NME9: variants seen among roughly 807,000 people sequenced by gnomAD.
NME9 encodes NME/NM23 family member 9, also known as thioredoxin domain-containing protein 6.
NME9 carries 48 observed loss-of-function variants against 44.4 expected under a neutral mutation model. The observed-to-expected ratio is 1.08, with a 90% CI of 0.86 to 1.37. The LOEUF (loss-of-function observed/expected upper bound fraction) is 1.37. Among genes scored for constraint, NME9 ranks in the 40% most tolerant of loss-of-function variants. The probability of loss-of-function intolerance (pLI) is 0.00; values close to 1 mark genes in which losing one functional copy is unlikely to be tolerated. For synonymous variants in NME9, 139 were observed against 147.1 expected, an observed-to-expected ratio of 0.94 and a Z score of 0.40; for missense variants, 325 against 405.2, an observed-to-expected ratio of 0.80 and a Z score of 1.70.
chr3:138,269,120 C>T (rs115989936), intron 8 of NME9, among the ~76,000 whole-genome samples: 1,726 of 152,152 alleles, frequency 0.011, 32 homozygotes, highest in African/African-American at 0.038. Context: ...TAAAAACTGG[C>T]GGATCTGGGA....
chr3:138,269,626 G>A (rs2048587687), intron 8 of NME9, among the ~76,000 whole-genome samples: 1 of 152,054 alleles, frequency 6.6e-6, no homozygotes, highest in South Asian at 2.1e-4. Context: ...ACTTCATAGA[G>A]TTCGTAAGCA....
intron 8 of NME9, chr3:138,287,536 T>A: frequency 2.4e-6 from 1 of 416,742 alleles, no homozygotes; most frequent in South Asian, 1.7e-5. Context: ...AGTAAATGCA[T>A]ATTTGTTATA....
chr3:138,306,194 C>A, intron 7 of NME9, 98 bp from the exon 8 acceptor site: 2 of 960,518 alleles, frequency 2.1e-6, no homozygotes, highest in Middle Eastern at 2.3e-4. Context: ...AGACAGGCAA[C>A]ATTAAAGGCT....
At chr3:138,263,735 C>T in intron 8 of NME9, 1 of 1,613,010 alleles carries the variant, frequency 6.2e-7, no homozygotes, top group East Asian at 2.2e-5. Context: ...ACCTTTTTCT[C>T]CAGATCATTG....
intron 8 of NME9, among the ~76,000 whole-genome samples, chr3:138,278,091 A>T (rs2049483155): frequency 6.6e-6 from 1 of 152,248 alleles, no homozygotes; most frequent in Admixed American, 6.5e-5. Flanking sequence ...AAGGTATCCA[A>T]GCCTTAAAGG....
At chr3:138,293,931 G>A (rs1047667458) in intron 8 of NME9, among the ~76,000 whole-genome samples, 2 of 152,070 alleles carry the variant, frequency 1.3e-5, no homozygotes, top group Non-Finnish European at 1.5e-5. Flanking sequence ...AACGTAAACC[G>A]TAAAATAATA....
At chr3:138,282,553 G>A (rs894812334) in intron 8 of NME9, among the ~76,000 whole-genome samples, 2 of 151,504 alleles carry the variant, frequency 1.3e-5, no homozygotes, top group African/African-American at 4.9e-5. Context: ...ACTAAGGCAG[G>A]GAGCATTGCT....
At position 138,315,630 on chromosome 3, in the gene NME9, A is replaced by G. The variant is rs1230507797; in HGVS notation, c.281T>C (p.Val94Ala). 6.5e-7 allele frequency: 1 copy of G among 1,536,234 alleles called. No individual in the cohort carries two copies. Among genetic ancestry groups the G allele is most frequent in the East Asian group, 2.4e-5 (1 of 40,914 alleles). Residue 94 changes from valine (V) to alanine (A), a missense_variant, in exon 5 of 11, where the codon GTG becomes GCG. Physicochemically the swap from Val to Ala is moderately conservative, Grantham distance 64 (BLOSUM62 0). Transcript: ENST00000333911. ...TFLFYAGGELVAVVRGANAPL... is the reference protein window; with the variant it reads ...TFLFYAGGELAAVVRGANAPL... The stretch of plus-strand genomic sequence containing the variant: ...GGCATTTGCTCCTCTAACCACAGCC[A>G]CCAGTTCTCCTCCCTAGAATACGTT...
At position 138,269,368 on chromosome 3, in the gene NME9, A is replaced by G. The variant is rs539383348; in HGVS notation, c.746-6782T>C. On this transcript the variant is annotated intron_variant, in intron 8 of 8. Transcript: ENST00000317876. ...TTTGAATATTTTTTAGAAATTACCA[A>G]AAATTCATGTTCAGTCAAGTATCAT... Among the ~76,000 whole-genome samples, 3 of 152,292 alleles carry G rather than the reference A, an allele frequency of 2.0e-5. No homozygotes were observed. In the East Asian group the frequency reaches 5.8e-4, roughly 29 times the overall value.
At chr3:138,311,336 TATACTC>T (rs1270168536) in intron 6 of NME9, among the ~76,000 whole-genome samples, 1 of 152,278 alleles carries the variant, frequency 6.6e-6, no homozygotes, top group African/African-American at 2.4e-5. Context: ...TAATACCAAT[TATACTC>T]AAACTCTTCA....
chr3:138,291,071 A>C (rs1454562261), intron 8 of NME9, among the ~76,000 whole-genome samples: 1 of 152,228 alleles, frequency 6.6e-6, no homozygotes, highest in Non-Finnish European at 1.5e-5. Context: ...CTGTCCTCAA[A>C]GAGCTCATCA....
At chr3:138,279,736 G>A (rs1199220209) in intron 8 of NME9, among the ~76,000 whole-genome samples, 1 of 152,088 alleles carries the variant, frequency 6.6e-6, no homozygotes, top group Non-Finnish European at 1.5e-5. Flanking sequence ...GACTACTCAG[G>A]TTATCTGTTT....
At chr3:138,294,759 C>T (rs569799639) in intron 8 of NME9, among the ~76,000 whole-genome samples, 2 of 152,138 alleles carry the variant, frequency 1.3e-5, no homozygotes, top group East Asian at 3.8e-4. Flanking sequence ...AGAAACTTTA[C>T]CATGTTTGTG....
chr3:138,314,637 C>T (rs1220008886), intron 5 of NME9, among the ~76,000 whole-genome samples: 1 of 152,098 alleles, frequency 6.6e-6, no homozygotes, highest in East Asian at 1.9e-4. Flanking sequence ...TAGAGTCTGC[C>T]TCTTTTCATA....
intron 8 of NME9, among the ~76,000 whole-genome samples, chr3:138,283,881 A>G (rs1458528832): frequency 6.6e-6 from 1 of 152,150 alleles, no homozygotes; most frequent in East Asian, 1.9e-4. Flanking sequence ...ACAGGGTTCA[A>G]AAAAGTTAAA....
At chr3:138,263,717 C>T (rs1390510898) in intron 8 of NME9, 14 of 1,587,254 alleles carry the variant, frequency 8.8e-6, no homozygotes, top group Non-Finnish European at 1.2e-5. Context: ...GTTATTTATG[C>T]AGCATTAACC....
At chr3:138,265,450 C>G (rs183632750) in intron 8 of NME9, among the ~76,000 whole-genome samples, 13 of 152,138 alleles carry the variant, frequency 8.5e-5, no homozygotes, top group African/African-American at 3.1e-4. Context: ...TTTTTGCATA[C>G]CTGCTATGTA....
chr3:138,282,498 T>G (rs983521712), intron 8 of NME9, among the ~76,000 whole-genome samples: 1 of 151,916 alleles, frequency 6.6e-6, no homozygotes, highest in East Asian at 1.9e-4. Context: ...ATACAAAAAT[T>G]AGCTGGGCGT....
intron 8 of NME9, among the ~76,000 whole-genome samples, chr3:138,276,808 T>TC (rs940387437): frequency 6.6e-6 from 1 of 152,166 alleles, no homozygotes; most frequent in African/African-American, 2.4e-5. Context: ...ATGTTGGTTC[T>TC]CCCCAAGTTG....
Sources: gnomAD v4.1 joint callset for allele counts (sites outside exome capture counted in the v4.1 genomes callset) on GRCh38, gnomAD v4.1.1 for gene constraint, MANE v1.5 for transcripts, NCBI Gene and HGNC (gene_info 2026-07-23, HGNC 2026-07-21) for gene names.